Variants in SLC5A4 observed in about 807,000 individuals in gnomAD.
SLC5A4 encodes probable glucose sensor protein SLC5A4.
Under a neutral mutation model 70.3 loss-of-function variants are expected in SLC5A4, and 55 were observed. That is an observed-to-expected ratio of 0.78 (90% CI 0.63 to 0.98). The LOEUF (loss-of-function observed/expected upper bound fraction) is 0.98, where lower values mean the gene tolerates loss of function less well. Among genes scored for constraint, SLC5A4 ranks in the 50% least tolerant of loss-of-function variants. The pLI, the probability that SLC5A4 is intolerant of heterozygous loss-of-function variation, is 0.00. For missense variants in SLC5A4, 735 were observed against 839.2 expected (o/e 0.88, Z 1.53); for synonymous variants, 268 against 305.7 (o/e 0.88, Z 1.29).
chr22:32,297,185 A>C, the SLC5A4 span, among the ~76,000 whole-genome samples: 1 of 151,492 alleles, frequency 6.6e-6, no homozygotes, highest in African/African-American at 2.4e-5. Flanking sequence ...GTTAGGGAGG[A>C]TTCCCTCTTT....
At chr22:32,248,553 C>T (rs1193915056) in intron 4 of SLC5A4, among the ~76,000 whole-genome samples, 190 bp downstream of exon 4, 1 of 152,190 alleles carries the variant, frequency 6.6e-6, no homozygotes, top group Non-Finnish European at 1.5e-5. Flanking sequence ...CATATCTTCC[C>T]TGTTATATAA....
At chr22:32,333,198 C>CA in the SLC5A4 span, among the ~76,000 whole-genome samples, 9 of 145,942 alleles carry the variant, frequency 6.2e-5, no homozygotes, top group East Asian at 2.2e-4. Context: ...GCACTGGCAC[C>CA]CCCCCCCCAG....
chr22:32,331,684 G>A, the SLC5A4 span, among the ~76,000 whole-genome samples: 13 of 152,208 alleles, frequency 8.5e-5, no homozygotes, highest in Non-Finnish European at 1.5e-5. Context: ...CCCACGGATT[G>A]TACCTGGGAT....
At chr22:32,301,228 T>C in the SLC5A4 span, among the ~76,000 whole-genome samples, 4 of 152,196 alleles carry the variant, frequency 2.6e-5, no homozygotes, top group Admixed American at 2.0e-4. Context: ...CCCAAAGTGC[T>C]GGGATTAAAG....
rs769241908 is a variant in SLC5A4 at position 32,237,345 on chromosome 22, A to C, written c.584-21T>G. 59 of 1,543,606 alleles carry C rather than the reference A, an allele frequency of 3.8e-5. No homozygotes were observed. In the South Asian group the frequency reaches 6.7e-4, roughly 18 times the overall value. ...GCCCCCTAGTGAGAGAAAGAAAAGA[A>C]CCAGGGCATTTTATCCATGTGTCCT... On this transcript the variant is annotated intron_variant, in intron 6 of 14. Transcript: ENST00000266086.
intron 3 of SLC5A4, 89 bp from the exon 4 acceptor site, chr22:32,248,891 TAA>T: frequency 1.1e-5 from 8 of 760,146 alleles, no homozygotes; most frequent in Admixed American, 2.3e-5. Flanking sequence ...GTCTGGAAAT[TAA>T]AAAAAAAAGT....
the SLC5A4 span, among the ~76,000 whole-genome samples, chr22:32,344,560 A>G: frequency 6.6e-6 from 1 of 152,200 alleles, no homozygotes; most frequent in Non-Finnish European, 1.5e-5. Context: ...CCATGTAAAT[A>G]TCCTGCAAAA....
At chr22:32,254,542 C>T (rs1014806752) in intron 1 of SLC5A4, among the ~76,000 whole-genome samples, 18 of 152,296 alleles carry the variant, frequency 1.2e-4, no homozygotes, top group African/African-American at 2.9e-4. Flanking sequence ...CGGTGGCTCA[C>T]GCCTGTAATT....
the SLC5A4 span, among the ~76,000 whole-genome samples, chr22:32,322,806 G>A: frequency 6.6e-6 from 1 of 152,106 alleles, no homozygotes; most frequent in Non-Finnish European, 1.5e-5. Flanking sequence ...AGAGGACTTT[G>A]GGTTGCATTA....
the SLC5A4 span, among the ~76,000 whole-genome samples, chr22:32,354,587 T>C: frequency 2.0e-5 from 3 of 151,852 alleles, no homozygotes; most frequent in African/African-American, 4.8e-5. Context: ...CATCCCCAGA[T>C]AGTGCCCCCA....
the SLC5A4 span, among the ~76,000 whole-genome samples, chr22:32,274,132 C>T: frequency 3.3e-5 from 5 of 151,988 alleles, no homozygotes; most frequent in South Asian, 2.1e-4. Context: ...CTCCACCTCC[C>T]GGGTTCACAC....
At chr22:32,290,341 G>A in the SLC5A4 span, among the ~76,000 whole-genome samples, 10 of 151,902 alleles carry the variant, frequency 6.6e-5, no homozygotes, top group African/African-American at 1.2e-4. Context: ...GAGGACATGT[G>A]GTGTTTTCTC....
chr22:32,301,745 T>C, the SLC5A4 span, among the ~76,000 whole-genome samples: 5 of 152,098 alleles, frequency 3.3e-5, no homozygotes, highest in African/African-American at 1.2e-4. Context: ...AGACTCAGAC[T>C]TCCCAGTTTT....
the SLC5A4 span, among the ~76,000 whole-genome samples, chr22:32,337,499 A>C: frequency 1.3e-5 from 2 of 152,076 alleles, no homozygotes; most frequent in East Asian, 3.9e-4. Flanking sequence ...GCACCACGGC[A>C]CTCCAGCCTG....
the SLC5A4 span, among the ~76,000 whole-genome samples, chr22:32,311,740 G>A: frequency 7.9e-5 from 12 of 152,282 alleles, no homozygotes; most frequent in Admixed American, 2.0e-4. Flanking sequence ...GGGGCCTGGC[G>A]CACAGCAGGT....
the SLC5A4 span, among the ~76,000 whole-genome samples, chr22:32,278,370 G>T: frequency 2.6e-5 from 4 of 152,156 alleles, no homozygotes; most frequent in Admixed American, 2.6e-4. Flanking sequence ...GTTATAATAT[G>T]CACATTTCTT....
the SLC5A4 span, among the ~76,000 whole-genome samples, chr22:32,339,715 C>T: frequency 3.9e-5 from 6 of 152,172 alleles, no homozygotes; most frequent in African/African-American, 1.4e-4. Flanking sequence ...AGACAAACCC[C>T]GAGAGCAAAA....
chr22:32,337,435 A>C, the SLC5A4 span, among the ~76,000 whole-genome samples: 1 of 152,168 alleles, frequency 6.6e-6, no homozygotes, highest in Non-Finnish European at 1.5e-5. Context: ...TCAGGAGGCT[A>C]ATTCAAGAGA....
chr22:32,243,622 G>C (rs1926659336), intron 5 of SLC5A4, among the ~76,000 whole-genome samples: 2 of 152,126 alleles, frequency 1.3e-5, no homozygotes, highest in Admixed American at 6.5e-5. Context: ...AAAATCACTG[G>C]ATCAGGTAGA....
Sources: gnomAD v4.1 joint callset for allele counts (sites outside exome capture counted in the v4.1 genomes callset) on GRCh38, gnomAD v4.1.1 for gene constraint, MANE v1.5 for transcripts, NCBI Gene and HGNC (gene_info 2026-07-23, HGNC 2026-07-21) for gene names.